Variants in MAML3 observed in about 807,000 individuals in gnomAD.
MAML3 encodes mastermind-like protein 3.
In MAML3, 27 loss-of-function variants were observed where a neutral mutation model predicts 101.9. The observed-to-expected ratio is 0.27, with a 90% CI of 0.20 to 0.37. MAML3 has a LOEUF of 0.37. MAML3 is among the 10% of genes least tolerant of loss of function. MAML3 has a pLI of 1.00. For missense variants in MAML3, 1,316 were observed against 1,444.9 expected (o/e 0.91, Z 1.45); for synonymous variants, 501 against 555.9 (o/e 0.90, Z 1.39).
At chr4:139,751,482 A>G (rs143816308) in intron 2 of MAML3, among the ~76,000 whole-genome samples, 1 of 152,234 alleles carries the variant, frequency 6.6e-6, no homozygotes, top group Non-Finnish European at 1.5e-5. Flanking sequence ...CAAAGTTTTG[A>G]CTGCATTTTG....
intron 1 of MAML3, among the ~76,000 whole-genome samples, chr4:139,941,073 T>C (rs1456980145): frequency 1.3e-5 from 2 of 152,222 alleles, no homozygotes; most frequent in African/African-American, 4.8e-5. Context: ...ACAATGTAGA[T>C]TTGGTCTAGG....
chr4:139,750,223 T>G (rs1384521022), intron 2 of MAML3, among the ~76,000 whole-genome samples: 1 of 152,126 alleles, frequency 6.6e-6, no homozygotes, highest in African/African-American at 2.4e-5. Context: ...CTCCCATAGC[T>G]CCAAGTGACA....
chr4:140,063,704 A>C (rs1727486590), intron 1 of MAML3, among the ~76,000 whole-genome samples: 1 of 152,172 alleles, frequency 6.6e-6, no homozygotes, highest in South Asian at 2.1e-4. Flanking sequence ...CAGAAGACTG[A>C]AATACTGTAA....
chr4:140,015,945 G>T (rs9884782), intron 1 of MAML3, among the ~76,000 whole-genome samples: 106,365 of 151,912 alleles, frequency 0.7, 40,530 homozygotes, highest in East Asian at 0.94. Flanking sequence ...AGAGCAAGAC[G>T]CCATCTCAAA....
At chr4:139,901,990 C>A (rs916777262) in intron 1 of MAML3, among the ~76,000 whole-genome samples, 1 of 152,204 alleles carries the variant, frequency 6.6e-6, no homozygotes, top group Non-Finnish European at 1.5e-5. Flanking sequence ...GTGCCCAGAC[C>A]TGAGACTGCT....
In MAML3 at chr4:140,006,850, G is replaced by A. The variant is rs75618554; in HGVS notation, c.469-115883C>T. ...GCAAAGACTTACATAGAGCTTACCCGCTGCCAGGCACTAATCCAAGTACTT... is the reference window on the plus strand; with the variant it reads ...GCAAAGACTTACATAGAGCTTACCCACTGCCAGGCACTAATCCAAGTACTT... On this transcript the variant is annotated intron_variant, in intron 1 of 4. Transcript: ENST00000509479. Among the ~76,000 whole-genome samples, 597 of 152,136 alleles carry A rather than the reference G, an allele frequency of 3.9e-3. 6 individuals are homozygous for A. The highest frequency in any genetic ancestry group is 0.014 in the African/African-American group (583 of 41,518).
chr4:139,928,989 A>T (rs112948949), intron 1 of MAML3, among the ~76,000 whole-genome samples: 1,626 of 152,312 alleles, frequency 0.011, 26 homozygotes, highest in African/African-American at 0.037. Context: ...TATGAGCATA[A>T]TCAATTTTGA....
rs1732423516 is a variant in MAML3 at position 139,889,705 on chromosome 4, C to A, written c.1731G>T (p.Met577Ile). Residue 577 changes from methionine to isoleucine, a missense_variant, in exon 2 of 5, where the codon ATG becomes ATT. By Grantham distance (10) the Met-to-Ile change is conservative. Coordinates refer to ENST00000509479, the MANE Select transcript of MAML3 (RefSeq NM_018717.5). Reference protein sequence around the residue: ...NNYLPQNHMNMINQQPNNLGT... With the variant: ...NNYLPQNHMNIINQQPNNLGT... ...CCAAGTTATTTGGCTGCTGATTGATCATATTCATGTGATTCTGAGGGAGGT... is the reference window on the plus strand; with the variant it reads ...CCAAGTTATTTGGCTGCTGATTGATAATATTCATGTGATTCTGAGGGAGGT... The A allele has an allele frequency of 4.3e-6, 7 of 1,613,976 alleles. No individual in the cohort carries two copies. The highest frequency in any genetic ancestry group is 1.7e-5 in the Admixed American group (1 of 60,012).
intron 1 of MAML3, among the ~76,000 whole-genome samples, chr4:140,140,215 T>C (rs1379794809): frequency 2.6e-5 from 4 of 151,838 alleles, no homozygotes; most frequent in African/African-American, 7.3e-5. Flanking sequence ...TCCCAGCTAC[T>C]CGGAAGGCTG....
chr4:139,805,379 A>T (rs1450000114), intron 2 of MAML3, among the ~76,000 whole-genome samples: 1 of 152,212 alleles, frequency 6.6e-6, no homozygotes, highest in Non-Finnish European at 1.5e-5. Flanking sequence ...TTCAGATAGA[A>T]ATTATTTAAT....
At chr4:139,920,207 T>C (rs1233228332) in intron 1 of MAML3, among the ~76,000 whole-genome samples, 2 of 152,236 alleles carry the variant, frequency 1.3e-5, no homozygotes, top group Non-Finnish European at 2.9e-5. Flanking sequence ...TTCTGTAAGT[T>C]AATGAATAAT....
chr4:139,920,824 C>T lies in MAML3; in HGVS notation c.469-29857G>A, dbSNP rs181086464. On this transcript the variant is annotated intron_variant, in intron 1 of 4. Transcript: ENST00000509479. ...ATGACTGTCTGGGGTGAGTGACCTG[C>T]AGGAGCCCAGCTGGGGCCAGGGCTG... is the stretch of plus-strand genomic sequence containing the variant. Among the ~76,000 whole-genome samples, 513 of 152,302 alleles carry T rather than the reference C, an allele frequency of 3.4e-3. 1 individual carries two copies. Among genetic ancestry groups the T allele is most frequent in the African/African-American group, 0.012 (495 of 41,574 alleles).
At chr4:139,798,853 G>A (rs1730560763) in intron 2 of MAML3, among the ~76,000 whole-genome samples, 1 of 152,160 alleles carries the variant, frequency 6.6e-6, no homozygotes, top group African/African-American at 2.4e-5. Flanking sequence ...AATTTAGCAG[G>A]GATGTGTAAA....
chr4:139,918,394 T>G (rs75330134), intron 1 of MAML3, among the ~76,000 whole-genome samples: 257 of 152,288 alleles, frequency 1.7e-3, no homozygotes, highest in African/African-American at 6.0e-3. Context: ...CCTCTGCATC[T>G]GCACCGGTGC....
intron 1 of MAML3, among the ~76,000 whole-genome samples, chr4:139,924,819 G>A (rs1733189258): frequency 6.6e-6 from 1 of 152,166 alleles, no homozygotes. Context: ...TCTGGGAAGA[G>A]CTTCCTTGAT....
At chr4:139,989,876 C>G (rs893137088) in intron 1 of MAML3, among the ~76,000 whole-genome samples, 17 of 53,946 alleles carry the variant, frequency 3.2e-4, no homozygotes, top group Admixed American at 1.9e-3. Flanking sequence ...CACACACACA[C>G]ACACACAGAG....
intron 1 of MAML3, among the ~76,000 whole-genome samples, chr4:140,011,233 C>CATATATATATATATATATATATATAT (rs70943468): frequency 5.5e-4 from 66 of 119,874 alleles, no homozygotes; most frequent in Admixed American, 1.1e-3. Context: ...ATAAAGTGTG[C>CATATATATATATATATATATATATAT]ATATATATAT....
intron 2 of MAML3, among the ~76,000 whole-genome samples, chr4:139,780,261 A>G (rs907549747): frequency 7.9e-5 from 12 of 152,116 alleles, no homozygotes; most frequent in East Asian, 3.9e-4. Flanking sequence ...AGAAAACTCA[A>G]TTGGTGCCAG....
At chr4:139,760,506 C>T (rs968978305) in intron 2 of MAML3, among the ~76,000 whole-genome samples, 35 of 152,130 alleles carry the variant, frequency 2.3e-4, no homozygotes, top group Admixed American at 6.5e-5. Context: ...TTTAGCACAG[C>T]GCCTGGCTCA....
Sources: allele counts gnomAD v4.1 joint callset (sites outside exome capture counted in the v4.1 genomes callset), GRCh38; gene constraint gnomAD v4.1.1; transcripts MANE v1.5; gene names NCBI Gene and HGNC (gene_info 2026-07-23, HGNC 2026-07-21).